CTNND2: variants seen among roughly 807,000 people sequenced by gnomAD.
CTNND2 encodes catenin delta-2.
In CTNND2, 22 loss-of-function variants were observed where a neutral mutation model predicts 144.4. The ratio of observed to expected loss-of-function variants is 0.15; its 90% CI spans 0.11 to 0.22. CTNND2 has a LOEUF of 0.22. CTNND2 is among the 10% of genes least tolerant of loss of function. The probability of loss-of-function intolerance (pLI) is 1.00; values close to 1 mark genes in which losing one functional copy is unlikely to be tolerated. For missense variants in CTNND2, 1,353 were observed against 1,618.8 expected (o/e 0.84, Z 2.82); for synonymous variants, 751 against 695.6 (o/e 1.08, Z -1.25).
intron 9 of CTNND2, among the ~76,000 whole-genome samples, chr5:11,273,392 T>A (rs941516950): frequency 6.6e-6 from 1 of 152,204 alleles, no homozygotes. Context: ...TCACGCTGCC[T>A]TCAGTGAGCC....
At chr5:11,862,942 G>A (rs187496037) in intron 1 of CTNND2, among the ~76,000 whole-genome samples, 3 of 152,128 alleles carry the variant, frequency 2.0e-5, no homozygotes, top group Middle Eastern at 3.4e-3. Flanking sequence ...AGAAAAATTC[G>A]GGCTAACATG....
intron 9 of CTNND2, among the ~76,000 whole-genome samples, chr5:11,328,071 C>T (rs1752715058): frequency 6.6e-6 from 1 of 152,158 alleles, no homozygotes; most frequent in South Asian, 2.1e-4. Flanking sequence ...GAAACCATTT[C>T]ATTCCCATAA....
intron 1 of CTNND2, among the ~76,000 whole-genome samples, chr5:11,786,157 G>T (rs1790820822): frequency 6.6e-6 from 1 of 152,202 alleles, no homozygotes; most frequent in African/African-American, 2.4e-5. Context: ...AACAACCACA[G>T]GAGCCACTCA....
intron 1 of CTNND2, among the ~76,000 whole-genome samples, chr5:11,845,086 A>G (rs1239639696): frequency 1.3e-5 from 2 of 152,104 alleles, no homozygotes; most frequent in Non-Finnish European, 2.9e-5. Flanking sequence ...AGCCACAGCT[A>G]TGTTAGGACA....
At chr5:11,377,332 G>C (rs1758040853) in intron 7 of CTNND2, among the ~76,000 whole-genome samples, 3 of 152,092 alleles carry the variant, frequency 2.0e-5, no homozygotes, top group Admixed American at 6.5e-5. Flanking sequence ...TGGGATTACA[G>C]GTGTGAGCCA....
At chr5:11,006,965 A>C (rs1433028720) in intron 18 of CTNND2, among the ~76,000 whole-genome samples, 1 of 152,216 alleles carries the variant, frequency 6.6e-6, no homozygotes, top group Admixed American at 6.5e-5. Context: ...TAGGGAATAA[A>C]TATATATTTC....
intron 11 of CTNND2, among the ~76,000 whole-genome samples, chr5:11,171,767 G>A (rs1013618325): frequency 5.9e-5 from 9 of 152,138 alleles, no homozygotes; most frequent in Admixed American, 3.9e-4. Flanking sequence ...AGGGCATCAC[G>A]GAAGGTTCTA....
intron 2 of CTNND2, among the ~76,000 whole-genome samples, chr5:11,640,784 C>T (rs1299339622): frequency 6.6e-6 from 1 of 151,840 alleles, no homozygotes; most frequent in Non-Finnish European, 1.5e-5. Context: ...CTTAGGACTG[C>T]TTAGCTATTC....
At chr5:11,755,314 G>A (rs1166763798) in intron 1 of CTNND2, among the ~76,000 whole-genome samples, 2 of 151,674 alleles carry the variant, frequency 1.3e-5, no homozygotes, top group East Asian at 3.9e-4. Context: ...AAGTCCACCA[G>A]TAGCCAGATG....
chr5:11,651,158 G>A (rs978082554), intron 2 of CTNND2, among the ~76,000 whole-genome samples: 7 of 152,158 alleles, frequency 4.6e-5, no homozygotes, highest in African/African-American at 1.4e-4. Context: ...CCACCACTCT[G>A]TGCGACCTCA....
At chr5:11,842,373 C>T (rs1455231066) in intron 1 of CTNND2, among the ~76,000 whole-genome samples, 1 of 151,980 alleles carries the variant, frequency 6.6e-6, no homozygotes, top group Non-Finnish European at 1.5e-5. Context: ...AACCAAAGTG[C>T]AAGAATAATA....
Position 11,695,678 on chromosome 5 carries a change from G to A in CTNND2, c.174+36458C>T, listed in dbSNP as rs547893248. On this transcript the variant is annotated intron_variant, in intron 2 of 21. Transcript: ENST00000304623. ...CAGAGTTCCTTTTACTTAGCTTTGC[G>A]TGAGTTTGATGTTCTCATGCTGTCT... is the stretch of plus-strand genomic sequence containing the variant. Among the ~76,000 whole-genome samples the A allele has an allele frequency of 9.9e-5, 15 of 152,194 alleles. 1 individual carries two copies. Among genetic ancestry groups the A allele is most frequent in the African/African-American group, 2.2e-4 (9 of 41,514 alleles).
chr5:11,544,045 A>C (rs181116411), intron 3 of CTNND2, among the ~76,000 whole-genome samples: 27 of 152,348 alleles, frequency 1.8e-4, no homozygotes, highest in African/African-American at 6.5e-4. Context: ...ATCAAAGTGA[A>C]GGACACTGAA....
intron 21 of CTNND2, among the ~76,000 whole-genome samples, chr5:10,979,564 G>A (rs1166925700): frequency 6.6e-6 from 1 of 152,210 alleles, no homozygotes; most frequent in Non-Finnish European, 1.5e-5. Flanking sequence ...GATCAACGAG[G>A]GGGAACAACT....
intron 1 of CTNND2, among the ~76,000 whole-genome samples, chr5:11,849,799 G>C (rs1214491316): frequency 1.3e-5 from 2 of 152,172 alleles, no homozygotes; most frequent in Admixed American, 6.5e-5. Context: ...CTGGCACAGT[G>C]AGAAACAGAG....
At chr5:11,510,721 A>C (rs1156899656) in intron 3 of CTNND2, among the ~76,000 whole-genome samples, 2 of 152,202 alleles carry the variant, frequency 1.3e-5, no homozygotes, top group African/African-American at 4.8e-5. Context: ...ACTTGAGGCC[A>C]GGTGTTCAAG....
At chr5:11,542,438 G>T (rs1774847422) in intron 3 of CTNND2, among the ~76,000 whole-genome samples, 2 of 152,104 alleles carry the variant, frequency 1.3e-5, no homozygotes, top group South Asian at 4.1e-4. Flanking sequence ...GACTAGAGCA[G>T]CCAACATAAG....
intron 3 of CTNND2, among the ~76,000 whole-genome samples, chr5:11,444,225 G>A (rs949251575): frequency 2.0e-5 from 3 of 152,126 alleles, no homozygotes; most frequent in African/African-American, 7.2e-5. Flanking sequence ...CTGGAGAACT[G>A]GTGTCATCGG....
intron 2 of CTNND2, among the ~76,000 whole-genome samples, chr5:11,642,922 G>A (rs554522625): frequency 1.2e-4 from 19 of 152,270 alleles, no homozygotes; most frequent in Admixed American, 1.2e-3. Flanking sequence ...CTAAAACATG[G>A]AGACTCATGC....
Sources: gnomAD v4.1 joint callset for allele counts (sites outside exome capture counted in the v4.1 genomes callset) on GRCh38, gnomAD v4.1.1 for gene constraint, MANE v1.5 for transcripts, NCBI Gene and HGNC (gene_info 2026-07-23, HGNC 2026-07-21) for gene names.